CSMD1: variants seen among roughly 807,000 people sequenced by gnomAD.
The protein encoded by CSMD1 is CUB and Sushi multiple domains 1.
Under a neutral mutation model 417.5 loss-of-function variants are expected in CSMD1, and 213 were observed. The observed-to-expected ratio is 0.51, with a 90% confidence interval of 0.46 to 0.57. CSMD1 has a LOEUF of 0.57. Ranked by LOEUF, CSMD1 falls within the 20% of genes least tolerant of loss-of-function variation. The pLI is 0.00. For missense variants in CSMD1, 6,923 were observed against 4,529.7 expected (o/e 1.53, Z -15.17); for synonymous variants, 2,862 against 1,736.8 (o/e 1.65, Z -16.11).
At chr8:3,318,538 C>T (rs924844033) in intron 23 of CSMD1, among the ~76,000 whole-genome samples, 3 of 152,232 alleles carry the variant, frequency 2.0e-5, no homozygotes, top group East Asian at 1.9e-4. Flanking sequence ...AAAGGATGCC[C>T]ATTCATTAAT....
At chr8:3,700,588 G>C (rs1470783210) in intron 7 of CSMD1, 1 of 152,216 alleles carries the variant, frequency 6.6e-6, no homozygotes, top group Admixed American at 6.5e-5. Context: ...GGATGCTCAA[G>C]ATACATGATA....
At chr8:4,312,703 C>G (rs1398187459) in intron 3 of CSMD1, among the ~76,000 whole-genome samples, 22 of 151,862 alleles carry the variant, frequency 1.4e-4, no homozygotes. Context: ...CTGACGAAAC[C>G]CCATTTCTAC....
chr8:3,058,497 T>C (rs952116390), intron 49 of CSMD1, among the ~76,000 whole-genome samples: 16 of 152,338 alleles, frequency 1.1e-4, no homozygotes, highest in African/African-American at 3.8e-4. Flanking sequence ...TGGTGCTAAT[T>C]GCTGACAAAT....
chr8:3,763,389 G>A (rs903130706), intron 5 of CSMD1, among the ~76,000 whole-genome samples: 4 of 152,100 alleles, frequency 2.6e-5, no homozygotes, highest in Admixed American at 1.3e-4. Context: ...CTTCCCCATG[G>A]TAATGAGTAA....
At chr8:4,924,225 G>C (rs969789099) in intron 1 of CSMD1, among the ~76,000 whole-genome samples, 2 of 152,098 alleles carry the variant, frequency 1.3e-5, no homozygotes, top group Non-Finnish European at 2.9e-5. Context: ...GATCATGTAA[G>C]TTTTATTTTC....
intron 3 of CSMD1, among the ~76,000 whole-genome samples, chr8:4,032,427 G>C (rs966189921): frequency 6.7e-6 from 1 of 149,162 alleles, no homozygotes; most frequent in Non-Finnish European, 1.5e-5. Flanking sequence ...CCTATAGTGA[G>C]CAACCAGATG....
rs190639575 is a variant in CSMD1, at chr8:4,062,199, G to A, written c.416-30100C>T. ...TGCCAAGTGACGGGAGTGAGGAAAGGCATTCCAAGCTACGGGCCAGGTTCA... is the reference window on the plus strand; with the variant it reads ...TGCCAAGTGACGGGAGTGAGGAAAGACATTCCAAGCTACGGGCCAGGTTCA... On this transcript the variant is annotated intron_variant, in intron 3 of 69. Coordinates refer to ENST00000635120, the MANE Select transcript of CSMD1 (RefSeq NM_033225.6). Among the ~76,000 whole-genome samples the A allele has an allele frequency of 6.8e-4, 103 of 152,206 alleles. 1 individual carries two copies. The highest frequency in any genetic ancestry group is 2.4e-3 in the African/African-American group (98 of 41,548).
chr8:4,243,053 G>T (rs1046999605), intron 3 of CSMD1, among the ~76,000 whole-genome samples: 1 of 152,118 alleles, frequency 6.6e-6, no homozygotes, highest in African/African-American at 2.4e-5. Flanking sequence ...GAGTACACGG[G>T]TCAGGGGTAG....
At chr8:4,465,842 C>G (rs1800134057) in intron 2 of CSMD1, among the ~76,000 whole-genome samples, 1 of 152,184 alleles carries the variant, frequency 6.6e-6, no homozygotes, top group Non-Finnish European at 1.5e-5. Context: ...TCTCAAGCCA[C>G]ACATTCTATC....
At chr8:3,293,735 T>G (rs1803754816) in intron 25 of CSMD1, among the ~76,000 whole-genome samples, 1 of 152,192 alleles carries the variant, frequency 6.6e-6, no homozygotes, top group Non-Finnish European at 1.5e-5. Context: ...CGTTTAATTT[T>G]TTTTACAAGG....
At chr8:4,186,524 T>C (rs1366900131) in intron 3 of CSMD1, among the ~76,000 whole-genome samples, 1 of 152,094 alleles carries the variant, frequency 6.6e-6, no homozygotes. Flanking sequence ...TTTTGAAAAC[T>C]GGTGACTTCA....
At chr8:4,401,958 C>T (rs1411408513) in intron 3 of CSMD1, among the ~76,000 whole-genome samples, 4 of 152,142 alleles carry the variant, frequency 2.6e-5, no homozygotes, top group South Asian at 2.1e-4. Context: ...GCATTTGATA[C>T]ACTGGCTCCT....
At chr8:3,621,412 T>A (rs370583663) in intron 7 of CSMD1, among the ~76,000 whole-genome samples, 1 of 152,024 alleles carries the variant, frequency 6.6e-6, no homozygotes, top group Non-Finnish European at 1.5e-5. Flanking sequence ...GAAAGTAGAA[T>A]GATGGTTTTG....
At position 3,907,690 on chromosome 8, in the gene CSMD1, T is replaced by C. The variant is rs113596419; in HGVS notation, c.818+90213A>G. Among the ~76,000 whole-genome samples, 275 of 152,298 alleles carry C rather than the reference T, an allele frequency of 1.8e-3. 2 individuals are homozygous for C. Among genetic ancestry groups the C allele is most frequent in the African/African-American group, 6.2e-3 (259 of 41,562 alleles). The stretch of plus-strand genomic sequence containing the variant: ...ATTCAGGCAGAGATCCTGAGAGCAA[T>C]GTGGACTTCTGTGGATTGCTGCCCT... On this transcript the variant is annotated intron_variant, in intron 5 of 69. Coordinates refer to ENST00000635120, the MANE Select transcript of CSMD1 (RefSeq NM_033225.6).
intron 1 of CSMD1, among the ~76,000 whole-genome samples, chr8:4,746,391 A>T (rs755001114): frequency 6.6e-6 from 1 of 152,198 alleles, no homozygotes; most frequent in Non-Finnish European, 1.5e-5. Context: ...TTATCCTGCA[A>T]ATCTCATTTT....
chr8:4,868,395 C>A (rs1017603819), intron 1 of CSMD1, among the ~76,000 whole-genome samples: 1 of 151,914 alleles, frequency 6.6e-6, no homozygotes, highest in African/African-American at 2.4e-5. Context: ...CCACTACACC[C>A]GACTAATTTT....
chr8:3,751,314 G>C (rs1412017900), intron 6 of CSMD1, among the ~76,000 whole-genome samples: 1 of 145,990 alleles, frequency 6.8e-6, no homozygotes, highest in East Asian at 2.0e-4. Context: ...GTGTGTGTGT[G>C]TGTGTGTGTG....
intron 2 of CSMD1, among the ~76,000 whole-genome samples, chr8:4,559,244 C>G (rs1798224034): frequency 2.0e-5 from 3 of 150,302 alleles, no homozygotes; most frequent in Admixed American, 1.3e-4. Context: ...GTTGGATAAA[C>G]TTAAAATGAA....
At chr8:4,413,947 C>G (rs943108609) in intron 3 of CSMD1, among the ~76,000 whole-genome samples, 2 of 152,140 alleles carry the variant, frequency 1.3e-5, no homozygotes, top group African/African-American at 2.4e-5. Flanking sequence ...GCATTTGTTT[C>G]AAGCTCTATA....
Sources: allele counts gnomAD v4.1 joint callset (sites outside exome capture counted in the v4.1 genomes callset), GRCh38; gene constraint gnomAD v4.1.1; transcripts MANE v1.5; gene names NCBI Gene and HGNC (gene_info 2026-07-23, HGNC 2026-07-21).